RAB3IL1: variants seen among roughly 807,000 people sequenced by gnomAD.
The protein encoded by RAB3IL1 is guanine nucleotide exchange factor for Rab-3A.
In RAB3IL1, 37 loss-of-function variants were observed where a neutral mutation model predicts 49.2. That is an observed-to-expected ratio of 0.75 (90% CI 0.58 to 0.99). The LOEUF (loss-of-function observed/expected upper bound fraction) is 0.99. Among genes scored for constraint, RAB3IL1 ranks in the 50% least tolerant of loss-of-function variants. RAB3IL1 has a pLI of 0.00. For synonymous variants in RAB3IL1, 193 were observed against 213.9 expected (o/e 0.90, Z 0.85); for missense variants, 484 against 513.0 (o/e 0.94, Z 0.55).
At chr11:61,943,030 A>G in the RAB3IL1 span, among the ~76,000 whole-genome samples, 1 of 152,242 alleles carries the variant, frequency 6.6e-6, no homozygotes, top group Non-Finnish European at 1.5e-5. Flanking sequence ...ATGGAATTGC[A>G]ATGGACCCCA....
At chr11:61,936,048 T>C in the RAB3IL1 span, among the ~76,000 whole-genome samples, 2 of 151,202 alleles carry the variant, frequency 1.3e-5, no homozygotes, top group African/African-American at 4.9e-5. Flanking sequence ...GAGGTCAATA[T>C]AGATTAGAGC....
chr11:61,928,563 C>CCCTCCAACTACATGGAGCTAGGAT, the RAB3IL1 span, among the ~76,000 whole-genome samples: 2 of 152,128 alleles, frequency 1.3e-5, no homozygotes, highest in Non-Finnish European at 2.9e-5. Flanking sequence ...GGAGCTAGGA[C>CCCTCCAACTACATGGAGCTAGGAT]CCTCCAACTA....
rs750341680 is a variant in RAB3IL1 at position 61,902,496 on chromosome 11, G to C, written c.945C>G (p.Ile315Met). The C allele has an allele frequency of 4.4e-6, 7 of 1,604,944 alleles. No homozygotes were observed. Among genetic ancestry groups the C allele is most frequent in the Non-Finnish European group, 5.9e-6 (7 of 1,177,208 alleles). Residue 315 changes from isoleucine to methionine, a missense_variant, in exon 8 of 10, where the codon ATC (isoleucine) becomes ATG (methionine). Transcript: ENST00000394836. ...SGLTRTCRHRIRLGDSKSHYY... is the reference protein window; with the variant it reads ...SGLTRTCRHRMRLGDSKSHYY... ...AATGGCTTTTGGAGTCCCCGAGCCGGATTCGGTGGCGGCAGGTGCGGGTCA... is the reference window on the plus strand; with the variant it reads ...AATGGCTTTTGGAGTCCCCGAGCCGCATTCGGTGGCGGCAGGTGCGGGTCA...
chr11:61,899,503 T>C (rs1938793939), intron 8 of RAB3IL1, 123 bp from the exon 9 acceptor site: 2 of 851,788 alleles, frequency 2.3e-6, no homozygotes, highest in Non-Finnish European at 3.7e-6. Flanking sequence ...GCTCCCTGAC[T>C]CAGCTGGGAC....
At chr11:61,902,988 C>A (rs1257248503) in intron 7 of RAB3IL1, among the ~76,000 whole-genome samples, 2 of 140,518 alleles carry the variant, frequency 1.4e-5, no homozygotes, top group East Asian at 1.9e-4. Flanking sequence ...ACCCCACTAA[C>A]CCCCATGGTT....
At chr11:61,899,444 G>C in intron 8 of RAB3IL1, 64 bp from the exon 9 acceptor site, 1 of 1,515,334 alleles carries the variant, frequency 6.6e-7, no homozygotes, top group Non-Finnish European at 9.0e-7. Context: ...CTGACAGGCG[G>C]ATCTGAGTCC....
At chr11:61,911,024 C>G (rs968741414) in intron 1 of RAB3IL1, among the ~76,000 whole-genome samples, 4 of 152,264 alleles carry the variant, frequency 2.6e-5, no homozygotes, top group African/African-American at 9.6e-5. Flanking sequence ...AAGACTAACT[C>G]TCTCTCCTGC....
At chr11:61,920,103 G>T, upstream of RAB3IL1, 1 of 1,341,346 alleles carries the variant, frequency 7.5e-7, no homozygotes. Flanking sequence ...GGCCTGATGG[G>T]GCGTAGCGGA....
intron 1 of RAB3IL1, among the ~76,000 whole-genome samples, chr11:61,909,963 C>T (rs112084235): frequency 0.026 from 3,980 of 152,268 alleles, 161 homozygotes; most frequent in African/African-American, 0.087. Context: ...AAAAATTAGC[C>T]GGGCCAAGAT....
In RAB3IL1 at chr11:61,898,735, A is replaced by C. The variant is rs1938739003; in HGVS notation, c.1067-375T>G. 2.1e-6 allele frequency: 1 copy of C among 481,000 alleles called. No individual in the cohort carries two copies. The highest frequency in any genetic ancestry group is 1.9e-5 in the African/African-American group (1 of 51,360). The allele number at this position is 481,000 out of a possible 1,614,324, so 29.8% of individuals were successfully genotyped here. A position where few individuals can be genotyped will look rare whatever the true frequency, so the allele number is the denominator to read the frequency against. On this transcript the variant is annotated intron_variant, in intron 9 of 9. Coordinates refer to ENST00000394836, the MANE Select transcript of RAB3IL1 (RefSeq NM_013401.4). This position sits in a 1 kb window ranked among gnomAD's most constrained non-coding sequence, Gnocchi z 5.1. ...AAGGACCCTGCGCAGTGAGGCGGGG[A>C]CCACAGCGGCCATCCAGGGACCTAG...
chr11:61,929,235 G>A, the RAB3IL1 span, among the ~76,000 whole-genome samples: 1 of 152,064 alleles, frequency 6.6e-6, no homozygotes, highest in Non-Finnish European at 1.5e-5. Flanking sequence ...TATACATATG[G>A]GCAGGCATGG....
chr11:61,920,903 A>G (rs1383800418), upstream of RAB3IL1, among the ~76,000 whole-genome samples: 1 of 152,386 alleles, frequency 6.6e-6, no homozygotes, highest in African/African-American at 2.4e-5. Flanking sequence ...AGCCTGGGCA[A>G]CAAGAGCAAA....
rs764414972 is a variant in RAB3IL1, at chr11:61,898,351, A to G, written c.1076T>C (p.Met359Thr). ...CCGCAACCTCATGATCTCCCAGAAC[A>G]TGGGCTCTGCTGCAGGCAGAGAGAG... ...QGLVRQDAEP[M>T]FWEIMRLRKE... Residue 359 changes from methionine to threonine, a missense_variant, in exon 10 of 10, where the codon ATG becomes ACG. By Grantham distance (81) the Met-to-Thr change is moderately conservative (BLOSUM62 -1). Coordinates refer to ENST00000394836, the MANE Select transcript of RAB3IL1 (RefSeq NM_013401.4). The surrounding 1 kb of genome is among the most constrained non-coding windows in gnomAD (Gnocchi z 5.1). 6.2e-7 allele frequency: 1 copy of G among 1,613,500 alleles called. No individual in the cohort carries two copies. The highest frequency in any genetic ancestry group is 2.2e-5 in the East Asian group (1 of 44,884).
At chr11:61,911,356 G>C (rs996351075) in intron 1 of RAB3IL1, among the ~76,000 whole-genome samples, 2 of 152,210 alleles carry the variant, frequency 1.3e-5, no homozygotes, top group Non-Finnish European at 2.9e-5. Context: ...AGGGTAGCCA[G>C]AATCTGCAGA....
rs749911356 is a variant in RAB3IL1, at chr11:61,904,787, G to A, written c.753C>T (p.Asp251=). Residue 251 remains aspartate, a synonymous_variant, in exon 6 of 10, where the codon GAC becomes GAT. Coordinates refer to ENST00000394836, the MANE Select transcript of RAB3IL1 (RefSeq NM_013401.4). ...TTGTGAAGTCCAGGCAGGGGCCCACGTCCTCTCGGTACACCCTTTCCAGGA... is the reference window on the plus strand; with the variant it reads ...TTGTGAAGTCCAGGCAGGGGCCCACATCCTCTCGGTACACCCTTTCCAGGA... ...CPFLERVYRE[D]VGPCLDFTMQ... 2.5e-5 allele frequency: 41 copies of A among 1,609,728 alleles called. No homozygotes were observed. The highest frequency in any genetic ancestry group is 3.4e-5 in the Non-Finnish European group (40 of 1,178,598).
chr11:61,921,271 G>T (rs1272705757), upstream of RAB3IL1, among the ~76,000 whole-genome samples: 1 of 152,148 alleles, frequency 6.6e-6, no homozygotes, highest in Non-Finnish European at 1.5e-5. Flanking sequence ...GGGAACACAG[G>T]CCCGGGGTCA....
At chr11:61,916,464 G>A (rs1939693381) in intron 1 of RAB3IL1, among the ~76,000 whole-genome samples, 1 of 151,404 alleles carries the variant, frequency 6.6e-6, no homozygotes, top group Non-Finnish European at 1.5e-5. Flanking sequence ...CTCAACCTTT[G>A]CTAGGTGCCA....
intron 1 of RAB3IL1, among the ~76,000 whole-genome samples, chr11:61,909,829 G>C (rs998055131): frequency 3.3e-5 from 5 of 152,204 alleles, no homozygotes; most frequent in African/African-American, 1.2e-4. Context: ...AACAGCAGCT[G>C]GGTGCAGTGG....
chr11:61,907,603 C>T lies in RAB3IL1; in HGVS notation c.322G>A (p.Glu108Lys). Residue 108 changes from glutamate to lysine, a missense_variant, in exon 3 of 10, where the codon GAA (glutamate) becomes AAA (lysine). Transcript: ENST00000394836. ...GCCGTCAGCTCTTCCAGCTCCTGTT[C>T]TAGCTGCTCCCGCACCTTGGACAGC... ...ERLSKVREQL[E>K]QELEELTASL... The T allele has an allele frequency of 6.2e-7, 1 of 1,614,156 alleles. No individual in the cohort carries two copies. The highest frequency in any genetic ancestry group is 8.5e-7 in the Non-Finnish European group (1 of 1,180,034).
Sources: gnomAD v4.1 joint callset for allele counts (sites outside exome capture counted in the v4.1 genomes callset) on GRCh38, gnomAD v4.1.1 for gene constraint, Gnocchi (gnomAD v3.1) non-coding constraint, MANE v1.5 for transcripts, NCBI Gene and HGNC (gene_info 2026-07-23, HGNC 2026-07-21) for gene names.